MKLN1: variants seen among roughly 807,000 people sequenced by gnomAD.
The protein encoded by MKLN1 is muskelin.
In MKLN1, 18 loss-of-function variants were observed where a neutral mutation model predicts 99.0. That is an observed-to-expected ratio of 0.18 (90% CI 0.13 to 0.27). MKLN1 has a LOEUF of 0.27. Ranked by LOEUF, MKLN1 falls within the 10% of genes least tolerant of loss-of-function variation. The probability of loss-of-function intolerance (pLI) is 1.00; values close to 1 mark genes in which losing one functional copy is unlikely to be tolerated. For missense variants in MKLN1, 621 were observed against 875.9 expected (o/e 0.71, Z 3.67); for synonymous variants, 288 against 293.2 (o/e 0.98, Z 0.18).
rs143858511 is a variant in MKLN1, at chr7:131,207,762, G to A, written c.-179+4788G>A. ...ATTGCAAAGGTCTGGAAAAGGCTGA[G>A]AGGATCATAGAAAGGAAGAGGATCT... On this transcript the variant is annotated intron_variant, in intron 3 of 7. Coordinates refer to the MKLN1 transcript ENST00000416992. Among the ~76,000 whole-genome samples the A allele has an allele frequency of 8.3e-4, 126 of 152,290 alleles. 1 individual carries two copies. Among genetic ancestry groups the A allele is most frequent in the African/African-American group, 2.9e-3 (120 of 41,560 alleles).
At chr7:131,286,092 A>C (rs1483782059) in intron 3 of MKLN1, among the ~76,000 whole-genome samples, 1 of 151,992 alleles carries the variant, frequency 6.6e-6, no homozygotes, top group Non-Finnish European at 1.5e-5. Flanking sequence ...CTGGGATTAC[A>C]GGCATGCGTT....
intron 3 of MKLN1, among the ~76,000 whole-genome samples, chr7:131,259,483 CTG>C (rs1017816601): frequency 6.6e-6 from 1 of 152,098 alleles, no homozygotes; most frequent in African/African-American, 2.4e-5. Flanking sequence ...ATCTATCTAT[CTG>C]TAGATATGTA....
chr7:131,462,008 A>G (rs149550678), intron 12 of MKLN1, among the ~76,000 whole-genome samples: 5 of 152,306 alleles, frequency 3.3e-5, no homozygotes, highest in East Asian at 3.9e-4. Context: ...ACAAAATGGC[A>G]TATTATACCC....
At chr7:131,215,733 T>G (rs1038413243) in intron 3 of MKLN1, among the ~76,000 whole-genome samples, 2 of 152,260 alleles carry the variant, frequency 1.3e-5, no homozygotes, top group Non-Finnish European at 2.9e-5. Flanking sequence ...TTTCTTTTTC[T>G]CTACTGTGAT....
intron 3 of MKLN1, among the ~76,000 whole-genome samples, chr7:131,238,991 A>T (rs1797362950): frequency 6.6e-6 from 1 of 152,150 alleles, no homozygotes; most frequent in South Asian, 2.1e-4. Flanking sequence ...CTTAGAATTT[A>T]GTTGAGCTGT....
intron 6 of MKLN1, 103 bp downstream of exon 6, chr7:131,399,536 T>A (rs1466833863): frequency 1.0e-6 from 1 of 996,060 alleles, no homozygotes; most frequent in Non-Finnish European, 1.5e-6. Flanking sequence ...TAATTTTTTT[T>A]CTTGGTTTTT....
At chr7:131,444,306 A>G (rs2116510150) in intron 11 of MKLN1, among the ~76,000 whole-genome samples, 1 of 151,776 alleles carries the variant, frequency 6.6e-6, no homozygotes, top group East Asian at 2.0e-4. Context: ...TAGTAAAGAC[A>G]GGGTTTCACC....
rs1563247571 is a variant in MKLN1, at chr7:131,192,229, C to T, written c.-296-10628C>T. Among the ~76,000 whole-genome samples, 28 of 61,634 alleles carry T rather than the reference C, an allele frequency of 4.5e-4. 2 individuals are homozygous for T. The highest frequency in any genetic ancestry group is 1.9e-3 in the African/African-American group (23 of 11,918). 40.4% of individuals were successfully genotyped at this position (61,634 alleles called of 152,430 possible). ...AATATATAAATATATAAAATATATA[C>T]AATATATAAATATATAAAATATAAT... On this transcript the variant is annotated intron_variant, in intron 2 of 7. Transcript: ENST00000416992.
intron 2 of MKLN1, among the ~76,000 whole-genome samples, chr7:131,190,868 T>C (rs553715561): frequency 6.6e-6 from 1 of 152,336 alleles, no homozygotes; most frequent in East Asian, 1.9e-4. Context: ...CATGGGGAGT[T>C]CTGTTGCTGG....
At chr7:131,404,552 C>G (rs757146830) in intron 6 of MKLN1, among the ~76,000 whole-genome samples, 3 of 152,226 alleles carry the variant, frequency 2.0e-5, no homozygotes, top group South Asian at 2.1e-4. Context: ...CTCAAATGAT[C>G]CCAAAGCACT....
intron 15 of MKLN1, among the ~76,000 whole-genome samples, chr7:131,470,593 G>T (rs1796791297): frequency 1.3e-5 from 2 of 152,186 alleles, no homozygotes; most frequent in Non-Finnish European, 2.9e-5. Context: ...GATAGGAAAT[G>T]CTCCTACCCA....
At chr7:131,159,155 T>C (rs1222970385) in intron 2 of MKLN1, among the ~76,000 whole-genome samples, 3 of 152,246 alleles carry the variant, frequency 2.0e-5, no homozygotes, top group Admixed American at 6.5e-5. Context: ...ATCGTGCCAC[T>C]GCACTTCAGC....
chr7:131,289,329 T>C (rs1162024626), intron 3 of MKLN1, among the ~76,000 whole-genome samples: 4 of 152,176 alleles, frequency 2.6e-5, no homozygotes, highest in African/African-American at 7.2e-5. Flanking sequence ...AGGATGGTTA[T>C]TAAAACCTAC....
At chr7:131,386,126 G>A (rs984686305) in intron 2 of MKLN1, among the ~76,000 whole-genome samples, 4 of 150,760 alleles carry the variant, frequency 2.7e-5, no homozygotes, top group Non-Finnish European at 5.9e-5. Flanking sequence ...CAATTCTCCT[G>A]CCTCAGCCTC....
chr7:131,375,546 C>A, intron 2 of MKLN1, 53 bp downstream of exon 2: 1 of 1,056,938 alleles, frequency 9.5e-7, no homozygotes, highest in Non-Finnish European at 1.5e-6. Flanking sequence ...TTTAAATAAA[C>A]ACTCAATTGA....
intron 3 of MKLN1, among the ~76,000 whole-genome samples, chr7:131,261,197 G>C (rs1343490799): frequency 1.3e-5 from 2 of 152,094 alleles, no homozygotes; most frequent in Non-Finnish European, 1.5e-5. Context: ...TATCAACCAA[G>C]TAAACAGACA....
At position 131,492,884 on chromosome 7, in the gene MKLN1, T is replaced by C. The variant is rs933961923; in HGVS notation, c.*5156T>C. ...AGAGGTTATAGTAAATTAGTTTCTC[T>C]AGTGGTGCAGAGAGAAATGCCATCG... On this transcript the variant is annotated 3_prime_UTR_variant, in exon 18 of 18. Coordinates refer to ENST00000352689, the MANE Select transcript of MKLN1 (RefSeq NM_013255.5). 2 of 152,210 alleles carry C rather than the reference T, an allele frequency of 1.3e-5. No homozygotes were observed. Among genetic ancestry groups the C allele is most frequent in the African/African-American group, 4.8e-5 (2 of 41,446 alleles). The allele number at this position is 152,210 out of a possible 1,614,324, so 9.4% of individuals were successfully genotyped here. A position where few individuals can be genotyped will look rare whatever the true frequency, so the allele number is the denominator to read the frequency against.
intron 3 of MKLN1, among the ~76,000 whole-genome samples, chr7:131,203,611 G>A (rs1343618125): frequency 6.6e-6 from 1 of 152,236 alleles, no homozygotes; most frequent in African/African-American, 2.4e-5. Context: ...ATGATCTTCA[G>A]TGGCCAAGTC....
intron 6 of MKLN1, among the ~76,000 whole-genome samples, chr7:131,411,098 A>G (rs10228857): frequency 0.016 from 2,463 of 152,320 alleles, 45 homozygotes; most frequent in African/African-American, 0.054. Flanking sequence ...ATTTGTTTGC[A>G]TGGTTGTGTC....
Sources: gnomAD v4.1 joint callset for allele counts (sites outside exome capture counted in the v4.1 genomes callset) on GRCh38, gnomAD v4.1.1 for gene constraint, MANE v1.5 for transcripts, NCBI Gene and HGNC (gene_info 2026-07-23, HGNC 2026-07-21) for gene names.